The following ZBTB7C variants were observed in gnomAD, a reference collection of about 807,000 sequenced individuals.
ZBTB7C encodes the protein zinc finger and BTB domain-containing protein 7C.
A neutral mutation model predicts 25.7 loss-of-function variants in ZBTB7C; 8 were observed. The observed-to-expected ratio is 0.31, with a 90% CI of 0.18 to 0.56. The LOEUF is 0.56. Among genes scored for constraint, ZBTB7C ranks in the 20% least tolerant of loss-of-function variants. The probability of loss-of-function intolerance (pLI) is 0.91; values close to 1 mark genes in which losing one functional copy is unlikely to be tolerated. For synonymous variants in ZBTB7C, 394 were observed against 369.0 expected, an observed-to-expected ratio of 1.07 and a Z score of -0.78; for missense variants, 824 against 855.2, an observed-to-expected ratio of 0.96 and a Z score of 0.46.
chr18:48,317,533 G>A (rs2045978716), intron 2 of ZBTB7C, among the ~76,000 whole-genome samples: 1 of 152,124 alleles, frequency 6.6e-6, no homozygotes. Context: ...CCTTTGCTCT[G>A]AGGATGCCAG....
chr18:48,252,668 C>T (rs1022126979), intron 2 of ZBTB7C: 3 of 152,356 alleles, frequency 2.0e-5, no homozygotes, highest in Non-Finnish European at 4.4e-5. Context: ...CCAACTGCAT[C>T]GCTCAATCCT....
intron 3 of ZBTB7C, among the ~76,000 whole-genome samples, chr18:48,166,707 G>A (rs148207088): frequency 2.6e-5 from 4 of 152,296 alleles, no homozygotes; most frequent in East Asian, 3.9e-4. Flanking sequence ...CCCCCAAAGC[G>A]TCCAGGGGCC....
chr18:48,172,361 C>T (rs9947568), intron 3 of ZBTB7C, among the ~76,000 whole-genome samples: 16 of 151,892 alleles, frequency 1.1e-4, no homozygotes, highest in African/African-American at 3.1e-4. Context: ...CAGGGGGGCA[C>T]GGAGGGCTGG....
intron 2 of ZBTB7C, among the ~76,000 whole-genome samples, chr18:48,232,914 G>A (rs1030168781): frequency 6.6e-6 from 1 of 152,204 alleles, no homozygotes; most frequent in Non-Finnish European, 1.5e-5. Context: ...CCCCCTGGTT[G>A]AGTGTTGGAG....
intron 2 of ZBTB7C, among the ~76,000 whole-genome samples, chr18:48,289,812 T>C (rs1459114153): frequency 6.6e-6 from 1 of 152,122 alleles, no homozygotes; most frequent in East Asian, 1.9e-4. Context: ...GATGGTTCCA[T>C]GGTGTAACGG....
chr18:48,171,191 A>C (rs2041466473), intron 3 of ZBTB7C, among the ~76,000 whole-genome samples: 1 of 152,190 alleles, frequency 6.6e-6, no homozygotes, highest in Non-Finnish European at 1.5e-5. Context: ...TCCAGTGCTC[A>C]CAGGCCTGGC....
At chr18:48,389,235 T>TGTGTGTGTG (rs2047833393) in intron 1 of ZBTB7C, among the ~76,000 whole-genome samples, 1 of 52,198 alleles carries the variant, frequency 1.9e-5, no homozygotes, top group African/African-American at 8.0e-5. Flanking sequence ...TCTCTCTCTC[T>TGTGTGTGTG]CGTGTGTGTG....
intron 2 of ZBTB7C, among the ~76,000 whole-genome samples, chr18:48,275,996 C>A (rs543872307): frequency 1.3e-5 from 2 of 152,194 alleles, no homozygotes; most frequent in East Asian, 3.9e-4. Context: ...ACTCAAGATA[C>A]AGAGGGAGGA....
At chr18:48,107,027 G>C (rs1050072891) in intron 3 of ZBTB7C, among the ~76,000 whole-genome samples, 1 of 151,806 alleles carries the variant, frequency 6.6e-6, no homozygotes, top group Non-Finnish European at 1.5e-5. Flanking sequence ...ACGAGTGGAG[G>C]TTTAAATATC....
intron 3 of ZBTB7C, among the ~76,000 whole-genome samples, chr18:48,071,471 C>T (rs559444228): frequency 6.6e-6 from 1 of 152,314 alleles, no homozygotes; most frequent in Admixed American, 6.5e-5. Context: ...AGGATGGCTA[C>T]TGTCAAAGAA....
intron 1 of ZBTB7C, among the ~76,000 whole-genome samples, chr18:48,385,542 TTGCAAGTCTAAA>T (rs1280422803): frequency 6.6e-6 from 1 of 152,172 alleles, no homozygotes; most frequent in African/African-American, 2.4e-5. Context: ...GTCACCCCCC[TTGCAAGTCTAAA>T]TGCACATGCT....
intron 2 of ZBTB7C, among the ~76,000 whole-genome samples, chr18:48,200,410 AC>A (rs2145199169): frequency 6.6e-6 from 1 of 151,846 alleles, no homozygotes; most frequent in African/African-American, 2.4e-5. Context: ...GGCAAATCTA[AC>A]CCCTACCTGG....
At chr18:48,096,925 C>G (rs1403104027) in intron 3 of ZBTB7C, among the ~76,000 whole-genome samples, 1 of 152,226 alleles carries the variant, frequency 6.6e-6, no homozygotes, top group Non-Finnish European at 1.5e-5. Context: ...ATTTATCTGT[C>G]TTTGCTCCTG....
chr18:48,111,595 G>A (rs6507807), intron 3 of ZBTB7C, among the ~76,000 whole-genome samples: 11,862 of 152,218 alleles, frequency 0.078, 1,375 homozygotes, highest in African/African-American at 0.25. Flanking sequence ...GTCGGCAGGA[G>A]GGAGGTGTGG....
intron 1 of ZBTB7C, among the ~76,000 whole-genome samples, chr18:48,387,113 G>C (rs1476452217): frequency 6.6e-6 from 1 of 152,192 alleles, no homozygotes; most frequent in African/African-American, 2.4e-5. Context: ...GCAAAAACCA[G>C]GATGGGGAAT....
chr18:48,098,675 A>C (rs138845653), intron 3 of ZBTB7C, among the ~76,000 whole-genome samples: 76 of 152,304 alleles, frequency 5.0e-4, no homozygotes, highest in African/African-American at 1.3e-3. Flanking sequence ...TCCTGGGATG[A>C]AGCCTGTGAT....
At chr18:48,256,691 G>A (rs996698446) in intron 2 of ZBTB7C, among the ~76,000 whole-genome samples, 1 of 151,812 alleles carries the variant, frequency 6.6e-6, no homozygotes, top group Non-Finnish European at 1.5e-5. Context: ...AAAGTAAAAT[G>A]TATGACGATA....
chr18:48,029,886 G>C lies in ZBTB7C; in HGVS notation c.1234C>G (p.Arg412Gly). 6.2e-7 allele frequency: 1 copy of C among 1,611,636 alleles called. No homozygotes were observed. Among genetic ancestry groups the C allele is most frequent in the Non-Finnish European group, 8.5e-7 (1 of 1,180,018 alleles). ...TAGGGCCGCTCCCCTGTGTGCTTCC[G>C]CATGTGGATTTTCAGCTTGTCCTGC... The part of the protein sequence containing the change: ...TRQDKLKIHM[R>G]KHTGERPYLC... The change falls in exon 5 of 5, where the codon CGG (arginine) becomes GGG (glycine). Residue 412 changes from arginine (R) to glycine (G), a missense_variant. Around this residue, in one of 4 missense-constraint regions of ZBTB7C, gnomAD observed 49 missense variants for 81.3 expected, o/e 0.60. Coordinates refer to ENST00000590800, the MANE Select transcript of ZBTB7C (RefSeq NM_001318841.2).
intron 2 of ZBTB7C, among the ~76,000 whole-genome samples, chr18:48,302,155 A>G (rs1383050473): frequency 6.6e-6 from 1 of 152,132 alleles, no homozygotes; most frequent in Non-Finnish European, 1.5e-5. Context: ...ACTCTGTCCT[A>G]TAATCCCCTG....
Sources: gnomAD v4.1 joint callset for allele counts (sites outside exome capture counted in the v4.1 genomes callset) on GRCh38, gnomAD v4.1.1 for gene constraint, gnomAD v4.1.1 regional missense constraint, MANE v1.5 for transcripts, NCBI Gene and HGNC (gene_info 2026-07-23, HGNC 2026-07-21) for gene names.